The following PTPDC1 variants were observed in gnomAD, a reference collection of about 807,000 sequenced individuals.
PTPDC1 encodes the protein protein tyrosine phosphatase domain-containing protein 1.
PTPDC1 carries 53 observed loss-of-function variants against 75.3 expected under a neutral mutation model. That is an observed-to-expected ratio of 0.70 (90% confidence interval 0.56 to 0.88). The LOEUF (loss-of-function observed/expected upper bound fraction) is 0.88. Ranked by LOEUF, PTPDC1 falls within the 40% of genes least tolerant of loss-of-function variation. PTPDC1 has a pLI of 0.00. For missense variants in PTPDC1, 925 were observed against 998.6 expected (o/e 0.93, Z 0.99); for synonymous variants, 349 against 366.2 (o/e 0.95, Z 0.54).
upstream of PTPDC1, among the ~76,000 whole-genome samples, chr9:94,082,710 G>A (rs186885094): frequency 3.3e-5 from 5 of 152,226 alleles, no homozygotes; most frequent in South Asian, 2.1e-4. Flanking sequence ...TCCTGTTTGC[G>A]TTAGGCTTGA....
chr9:94,060,302 T>A (rs1224517840), intron 1 of PTPDC1, among the ~76,000 whole-genome samples: 1 of 152,228 alleles, frequency 6.6e-6, no homozygotes, highest in Non-Finnish European at 1.5e-5. Context: ...GATGTCACTG[T>A]TACTGTTTAG....
chr9:94,064,149 C>T (rs1826224720), intron 1 of PTPDC1, among the ~76,000 whole-genome samples: 1 of 152,178 alleles, frequency 6.6e-6, no homozygotes, highest in African/African-American at 2.4e-5. Context: ...TCTGGAAGCT[C>T]AAAAATGTTG....
At chr9:94,101,455 G>A in intron 6 of PTPDC1, 111 bp from the exon 7 acceptor site, 1 of 752,590 alleles carries the variant, frequency 1.3e-6, no homozygotes. Flanking sequence ...TGGAGCCTGA[G>A]TCTTTCACTC....
chr9:94,061,583 G>C (rs1007860447), intron 1 of PTPDC1, among the ~76,000 whole-genome samples: 2 of 152,262 alleles, frequency 1.3e-5, no homozygotes, highest in African/African-American at 2.4e-5. Flanking sequence ...CTGAAATCTA[G>C]GTGGAGGTTC....
chr9:94,059,901 C>T (rs1826076556), intron 1 of PTPDC1, among the ~76,000 whole-genome samples: 1 of 152,090 alleles, frequency 6.6e-6, no homozygotes, highest in South Asian at 2.1e-4. Context: ...CTTGAGATTG[C>T]TGAAAATGCT....
chr9:94,101,521 CCTGTCT>C (rs763232983), intron 6 of PTPDC1, 39 bp from the exon 7 acceptor site: 7 of 1,488,284 alleles, frequency 4.7e-6, no homozygotes, highest in Admixed American at 3.5e-5. Context: ...CTCTCCTCTC[CCTGTCT>C]CTGTCTCTGT....
At chr9:94,099,777 C>G (rs1050751760) in intron 6 of PTPDC1, among the ~76,000 whole-genome samples, 1 of 152,248 alleles carries the variant, frequency 6.6e-6, no homozygotes, top group Non-Finnish European at 1.5e-5. Context: ...CTCGCACCCC[C>G]ACTCCTGGGT....
intron 2 of PTPDC1, among the ~76,000 whole-genome samples, chr9:94,078,205 G>A (rs2117938983): frequency 6.6e-6 from 1 of 152,258 alleles, no homozygotes; most frequent in East Asian, 1.9e-4. Flanking sequence ...AAGTCTGCTA[G>A]CAACAAATTC....
chr9:94,056,069 T>C (rs1389689153), intron 1 of PTPDC1, among the ~76,000 whole-genome samples: 1 of 152,164 alleles, frequency 6.6e-6, no homozygotes, highest in Non-Finnish European at 1.5e-5. Flanking sequence ...CTATACCTTC[T>C]GCTCAATTTT....
chr9:94,103,112 G>A (rs773701885), intron 7 of PTPDC1, among the ~76,000 whole-genome samples: 6 of 151,940 alleles, frequency 3.9e-5, no homozygotes, highest in African/African-American at 7.2e-5. Context: ...AGACATGTGC[G>A]TGCCTGCACA....
chr9:94,098,242 C>T lies in PTPDC1; in HGVS notation c.1676C>T (p.Ser559Leu), dbSNP rs758167395. ...TCACACAGCCCTGGGGAGCCAGTTTCACCCAGCTTTGCAAATGTCCATAAG... is the reference window on the plus strand; with the variant it reads ...TCACACAGCCCTGGGGAGCCAGTTTTACCCAGCTTTGCAAATGTCCATAAG... ...SGSHSPGEPV[S>L]PSFANVHKDP... The change falls in exon 6 of 9, where the codon TCA becomes TTA. Residue 559 changes from serine to leucine, a missense_variant. Physicochemically the swap from Ser to Leu is moderately radical, Grantham distance 145 (BLOSUM62 -2). Transcript: ENST00000620992. The T allele has an allele frequency of 6.2e-7, 1 of 1,614,214 alleles. No homozygotes were observed. Among genetic ancestry groups the T allele is most frequent in the South Asian group, 1.1e-5 (1 of 91,084 alleles).
chr9:94,034,750 T>A (rs1214095712), intron 1 of PTPDC1, among the ~76,000 whole-genome samples: 1 of 152,182 alleles, frequency 6.6e-6, no homozygotes, highest in Non-Finnish European at 1.5e-5. Flanking sequence ...TAAGAACAAT[T>A]AATATGGACA....
At chr9:94,058,068 C>A (rs1424640147) in intron 1 of PTPDC1, among the ~76,000 whole-genome samples, 1 of 152,116 alleles carries the variant, frequency 6.6e-6, no homozygotes, top group African/African-American at 2.4e-5. Flanking sequence ...CAGCTGTCTC[C>A]CTGGGGGCAG....
intron 6 of PTPDC1, chr9:94,098,800 CACTTGGTGTGATGCTTG>C: frequency 1.1e-5 from 6 of 560,914 alleles, no homozygotes; most frequent in Non-Finnish European, 1.6e-5. Flanking sequence ...CTCAAGAAAG[CACTTGGTGTGATGCTTG>C]ACCCACACAA....
chr9:94,091,998 C>T (rs1293764755), intron 4 of PTPDC1, among the ~76,000 whole-genome samples: 3 of 147,478 alleles, frequency 2.0e-5, no homozygotes, highest in South Asian at 2.1e-4. Flanking sequence ...GTCTTGCTAG[C>T]GGTCTATCAA....
intron 1 of PTPDC1, among the ~76,000 whole-genome samples, chr9:94,033,863 A>G (rs1829773704): frequency 6.6e-6 from 1 of 152,224 alleles, no homozygotes; most frequent in South Asian, 2.1e-4. Flanking sequence ...TGAGAAAACT[A>G]AGGGCAAATT....
chr9:94,104,534 G>C, intron 8 of PTPDC1, 149 bp downstream of exon 8: 1 of 568,748 alleles, frequency 1.8e-6, no homozygotes, highest in Non-Finnish European at 3.1e-6. Flanking sequence ...TTTCTTCTAA[G>C]TAGTTGCAGA....
At chr9:94,082,109 C>A (rs926997438), upstream of PTPDC1, among the ~76,000 whole-genome samples, 3 of 152,170 alleles carry the variant, frequency 2.0e-5, no homozygotes, top group African/African-American at 2.4e-5. Context: ...AGATTCCCAT[C>A]TCTAAAGAAG....
upstream of PTPDC1, among the ~76,000 whole-genome samples, chr9:94,080,768 G>A (rs897565724): frequency 5.9e-5 from 9 of 152,162 alleles, no homozygotes; most frequent in East Asian, 5.8e-4. Context: ...ACAACATGTC[G>A]TTTTACTGTA....
Sources: allele counts gnomAD v4.1 joint callset (sites outside exome capture counted in the v4.1 genomes callset), GRCh38; gene constraint gnomAD v4.1.1; transcripts MANE v1.5; gene names NCBI Gene and HGNC (gene_info 2026-07-23, HGNC 2026-07-21).